The following REEP3 variants were observed in gnomAD, a reference collection of about 807,000 sequenced individuals.
REEP3 encodes the protein receptor accessory protein 3.
A neutral mutation model predicts 41.3 loss-of-function variants in REEP3; 20 were observed. The ratio of observed to expected loss-of-function variants is 0.48; its 90% CI spans 0.34 to 0.70. The LOEUF (loss-of-function observed/expected upper bound fraction) is 0.70, where lower values mean the gene tolerates loss of function less well. Among genes scored for constraint, REEP3 ranks in the 30% least tolerant of loss-of-function variants. The pLI, the probability that REEP3 is intolerant of heterozygous loss-of-function variation, is 0.01. For synonymous variants in REEP3, 104 were observed against 101.8 expected (o/e 1.02, Z -0.13); for missense variants, 271 against 308.8 (o/e 0.88, Z 0.92).
intron 1 of REEP3, among the ~76,000 whole-genome samples, chr10:63,542,047 T>C (rs1318621444): frequency 1.3e-5 from 2 of 151,902 alleles, no homozygotes; most frequent in African/African-American, 2.4e-5. Flanking sequence ...TTAGAGTTGG[T>C]ATAAGTGACA....
intron 1 of REEP3, among the ~76,000 whole-genome samples, chr10:63,542,085 G>GTTTTTTTTT (rs56908733): frequency 1.4e-5 from 2 of 145,150 alleles, no homozygotes; most frequent in Non-Finnish European, 1.5e-5. Context: ...TTTTGTTTTT[G>GTTTTTTTTT]TTTTTTTTTT....
At chr10:63,562,757 T>A (rs1416312510) in intron 1 of REEP3, among the ~76,000 whole-genome samples, 1 of 152,216 alleles carries the variant, frequency 6.6e-6, no homozygotes, top group Non-Finnish European at 1.5e-5. Flanking sequence ...TATGGAGAGA[T>A]GTAAATATTT....
intron 5 of REEP3, chr10:63,599,682 A>T (rs771896107): frequency 1.4e-4 from 136 of 985,948 alleles, no homozygotes; most frequent in Non-Finnish European, 1.6e-4. Context: ...TTTCTGGCTT[A>T]CTTCTGCACC....
intron 5 of REEP3, 92 bp from the exon 6 acceptor site, chr10:63,610,095 T>C: frequency 1.7e-6 from 2 of 1,146,406 alleles, no homozygotes; most frequent in Non-Finnish European, 2.4e-6. Context: ...CTTTCAGCTT[T>C]TCTGAAGTTA....
intron 6 of REEP3, among the ~76,000 whole-genome samples, chr10:63,615,333 TTTTTTG>T (rs575422390): frequency 1.6e-4 from 25 of 152,238 alleles, no homozygotes; most frequent in East Asian, 7.7e-4. Flanking sequence ...AGAAAATGTT[TTTTTTG>T]TTTTTGTTTT....
chr10:63,568,567 G>A (rs1429454251), intron 2 of REEP3, among the ~76,000 whole-genome samples: 2 of 150,600 alleles, frequency 1.3e-5, no homozygotes, highest in South Asian at 2.1e-4. Context: ...GTGCCCTGCC[G>A]ACTAATACTT....
intron 4 of REEP3, 60 bp downstream of exon 4, chr10:63,598,204 G>A (rs1956134658): frequency 1.2e-5 from 15 of 1,269,150 alleles, no homozygotes; most frequent in Non-Finnish European, 1.6e-5. Context: ...CGGAGGCCAG[G>A]TGTGGTGGCT....
chr10:63,563,778 A>G (rs922543897), intron 1 of REEP3, among the ~76,000 whole-genome samples: 3 of 152,226 alleles, frequency 2.0e-5, no homozygotes, highest in African/African-American at 7.2e-5. Flanking sequence ...GATTAACAGC[A>G]GTGATAAGTC....
chr10:63,603,039 C>A (rs190456346), intron 5 of REEP3, among the ~76,000 whole-genome samples: 11 of 152,028 alleles, frequency 7.2e-5, no homozygotes, highest in African/African-American at 2.7e-4. Flanking sequence ...CATGGCTGGG[C>A]GCAGTGGCTC....
At chr10:63,615,333 T>TTTTTTG (rs575422390) in intron 6 of REEP3, among the ~76,000 whole-genome samples, 2 of 152,238 alleles carry the variant, frequency 1.3e-5, no homozygotes, top group South Asian at 2.1e-4. Flanking sequence ...AGAAAATGTT[T>TTTTTTG]TTTTTGTTTT....
At chr10:63,578,253 C>T (rs1391507313) in intron 2 of REEP3, among the ~76,000 whole-genome samples, 5 of 152,072 alleles carry the variant, frequency 3.3e-5, no homozygotes, top group Admixed American at 3.3e-4. Context: ...GCACCTGCCA[C>T]CACACCCAGC....
chr10:63,580,504 G>A (rs945302795), intron 2 of REEP3, among the ~76,000 whole-genome samples: 2 of 152,028 alleles, frequency 1.3e-5, no homozygotes, highest in African/African-American at 2.4e-5. Context: ...AAGAAATGTA[G>A]CATGAATAAA....
intron 5 of REEP3, among the ~76,000 whole-genome samples, chr10:63,605,191 AG>A (rs1253920408): frequency 6.6e-6 from 1 of 152,258 alleles, no homozygotes; most frequent in African/African-American, 2.4e-5. Context: ...TTTTGGTGGT[AG>A]GTTACAAATA....
intron 6 of REEP3, among the ~76,000 whole-genome samples, chr10:63,612,655 G>A (rs1956284977): frequency 6.6e-6 from 1 of 152,130 alleles, no homozygotes; most frequent in South Asian, 2.1e-4. Context: ...GCCAGGTGTG[G>A]TGGTGTATGC....
intron 5 of REEP3, among the ~76,000 whole-genome samples, chr10:63,604,389 CCAGATGAAGGA>C: frequency 6.6e-6 from 1 of 152,246 alleles, no homozygotes; most frequent in East Asian, 1.9e-4. Context: ...AACACTACTG[CCAGATGAAGGA>C]CAGATGAAGA....
chr10:63,596,418 A>G (rs1323505901), intron 3 of REEP3, among the ~76,000 whole-genome samples: 1 of 151,948 alleles, frequency 6.6e-6, no homozygotes, highest in Non-Finnish European at 1.5e-5. Flanking sequence ...TGAACGATGT[A>G]GAAAATGTTT....
intron 1 of REEP3, among the ~76,000 whole-genome samples, chr10:63,563,488 T>C (rs1212263211): frequency 1.3e-5 from 2 of 152,162 alleles, no homozygotes; most frequent in East Asian, 3.9e-4. Context: ...AGATTCCTGG[T>C]GGATGCCTGA....
chr10:63,582,051 AGTTG>A (rs1955959096), intron 2 of REEP3, among the ~76,000 whole-genome samples: 3 of 152,298 alleles, frequency 2.0e-5, no homozygotes, highest in African/African-American at 7.2e-5. Flanking sequence ...ACCTTCCTCT[AGTTG>A]ATATTGTCAG....
intron 2 of REEP3, among the ~76,000 whole-genome samples, chr10:63,581,074 T>TA (rs1338619507): frequency 6.6e-6 from 1 of 152,192 alleles, no homozygotes; most frequent in Non-Finnish European, 1.5e-5. Context: ...CCTTTTCAGC[T>TA]AAAGATTATA....
Sources: allele counts gnomAD v4.1 joint callset (sites outside exome capture counted in the v4.1 genomes callset), GRCh38; gene constraint gnomAD v4.1.1; transcripts MANE v1.5; gene names NCBI Gene and HGNC (gene_info 2026-07-23, HGNC 2026-07-21).